The following MAGI2 variants were observed in gnomAD, a reference collection of about 807,000 sequenced individuals.
The protein encoded by MAGI2 is membrane-associated guanylate kinase, WW and PDZ domain-containing protein 2.
Under a neutral mutation model 133.3 loss-of-function variants are expected in MAGI2, and 35 were observed. The ratio of observed to expected loss-of-function variants is 0.26; its 90% confidence interval spans 0.20 to 0.35. The LOEUF is 0.35. MAGI2 is among the 10% of genes least tolerant of loss of function. The pLI is 1.00. For missense variants in MAGI2, 1,636 were observed against 1,863.4 expected, an observed-to-expected ratio of 0.88 and a Z score of 2.25; for synonymous variants, 729 against 710.6, an observed-to-expected ratio of 1.03 and a Z score of -0.41.
intron 21 of MAGI2, among the ~76,000 whole-genome samples, chr7:78,069,504 TGTGTGA>T (rs1386581972): frequency 1.4e-5 from 2 of 143,930 alleles, no homozygotes; most frequent in Non-Finnish European, 3.0e-5. Flanking sequence ...TGTATGTGTG[TGTGTGA>T]GAGAGAGAGA....
intron 1 of MAGI2, among the ~76,000 whole-genome samples, chr7:79,150,415 C>A (rs922655009): frequency 1.3e-5 from 2 of 152,258 alleles, no homozygotes; most frequent in Non-Finnish European, 2.9e-5. Flanking sequence ...AGACGTATTG[C>A]AGATTTTCTT....
intron 1 of MAGI2, among the ~76,000 whole-genome samples, chr7:79,277,374 C>A (rs1449014242): frequency 6.6e-6 from 1 of 152,060 alleles, no homozygotes; most frequent in Non-Finnish European, 1.5e-5. Context: ...ACTTAGTAGA[C>A]TATAGTACAA....
intron 1 of MAGI2, among the ~76,000 whole-genome samples, chr7:79,230,517 T>C (rs1200120925): frequency 6.6e-6 from 1 of 151,898 alleles, no homozygotes; most frequent in African/African-American, 2.4e-5. Flanking sequence ...CATTGTGGTT[T>C]TGATTTGCAT....
Position 78,343,839 on chromosome 7 carries a change from A to G in MAGI2, c.1347T>C (p.Phe449=), listed in dbSNP as rs1790634494. 2 of 1,612,730 alleles carry G rather than the reference A, an allele frequency of 1.2e-6. No individual in the cohort carries two copies. The highest frequency in any genetic ancestry group is 8.5e-7 in the Non-Finnish European group (1 of 1,179,494). Reference sequence around the variant, plus strand: ...CCGGAATCACACTTTTCACCTGCAGAAACTCATCAGGCTCGTCTCCACCAA... The same window carrying G: ...CCGGAATCACACTTTTCACCTGCAGGAACTCATCAGGCTCGTCTCCACCAA... ...TIIGGDEPDE[F]LQVKSVIPDG... is the part of the protein sequence containing the mutation. The change falls in exon 9 of 22, where the codon TTT becomes TTC. Residue 449 remains phenylalanine (F), a synonymous_variant. Transcript: ENST00000354212.
chr7:78,127,770 ACAT>A (rs1272507867), intron 18 of MAGI2, among the ~76,000 whole-genome samples: 5 of 152,136 alleles, frequency 3.3e-5, no homozygotes, highest in African/African-American at 9.7e-5. Context: ...ACAAACCAAG[ACAT>A]CAGCCTATCT....
chr7:78,641,004 T>G (rs1315774948), intron 2 of MAGI2, among the ~76,000 whole-genome samples: 1 of 150,642 alleles, frequency 6.6e-6, no homozygotes, highest in Admixed American at 6.6e-5. Context: ...ATTGTGATGA[T>G]GAGTTCTCAT....
chr7:78,187,788 T>C (rs1050377045), intron 12 of MAGI2, among the ~76,000 whole-genome samples: 5 of 152,160 alleles, frequency 3.3e-5, no homozygotes, highest in African/African-American at 1.2e-4. Context: ...ACGCTTCCAT[T>C]AGGTATAAAA....
intron 20 of MAGI2, among the ~76,000 whole-genome samples, chr7:78,119,257 A>G (rs1820178024): frequency 6.6e-6 from 1 of 152,112 alleles, no homozygotes; most frequent in African/African-American, 2.4e-5. Context: ...ATTTGTCCAA[A>G]CCCATAGAAT....
At chr7:78,167,182 T>C (rs1334790093) in intron 15 of MAGI2, among the ~76,000 whole-genome samples, 6 of 152,148 alleles carry the variant, frequency 3.9e-5, no homozygotes, top group Non-Finnish European at 7.4e-5. Flanking sequence ...CCCAATGTTA[T>C]TGAATGCTCA....
At chr7:79,362,544 A>T (rs1842434368) in intron 1 of MAGI2, among the ~76,000 whole-genome samples, 1 of 152,102 alleles carries the variant, frequency 6.6e-6, no homozygotes, top group Admixed American at 6.5e-5. Context: ...CAAAGAAAAA[A>T]ATATTAACAA....
rs570107399 is a variant in MAGI2, at chr7:78,927,847, C to T, written c.418+79243G>A. Among the ~76,000 whole-genome samples, 367 of 151,942 alleles carry T rather than the reference C, an allele frequency of 2.4e-3. 1 individual carries two copies. The highest frequency in any genetic ancestry group is 8.7e-3 in the African/African-American group (361 of 41,506). ...CAAAAATTAAATTTTCCAATGTGTT[C>T]AAGTGATAAGGAAGTTTGTAGAATC... On this transcript the variant is annotated intron_variant, in intron 2 of 21. Coordinates refer to ENST00000354212, the MANE Select transcript of MAGI2 (RefSeq NM_012301.4).
intron 1 of MAGI2, among the ~76,000 whole-genome samples, chr7:79,139,472 C>A (rs1225625854): frequency 6.6e-6 from 1 of 152,162 alleles, no homozygotes; most frequent in Non-Finnish European, 1.5e-5. Flanking sequence ...CACAAGGGAG[C>A]TACGACTCAA....
At chr7:78,888,776 G>T (rs1243676758) in intron 2 of MAGI2, among the ~76,000 whole-genome samples, 1 of 152,000 alleles carries the variant, frequency 6.6e-6, no homozygotes, top group Non-Finnish European at 1.5e-5. Context: ...ACAAAGATGG[G>T]GAAAAAACAG....
intron 10 of MAGI2, among the ~76,000 whole-genome samples, chr7:78,246,428 C>CTGAT (rs1791787831): frequency 6.6e-6 from 1 of 152,114 alleles, no homozygotes; most frequent in South Asian, 2.1e-4. Context: ...CTGGGCTGAG[C>CTGAT]TGATAGAAAC....
chr7:79,124,447 G>C (rs755929719), intron 1 of MAGI2, among the ~76,000 whole-genome samples: 7 of 152,176 alleles, frequency 4.6e-5, no homozygotes, highest in Admixed American at 1.3e-4. Flanking sequence ...TTTGTCTAAA[G>C]TCACAGAGCC....
intron 1 of MAGI2, among the ~76,000 whole-genome samples, chr7:79,027,470 CAT>C (rs1236234670): frequency 2.0e-5 from 3 of 152,146 alleles, no homozygotes; most frequent in African/African-American, 7.2e-5. Flanking sequence ...ACAAGTGCCA[CAT>C]GTTTTCGCTT....
chr7:78,504,407 A>C (rs28522615), intron 4 of MAGI2, among the ~76,000 whole-genome samples: 80,120 of 151,692 alleles, frequency 0.53, 21,643 homozygotes, highest in South Asian at 0.68. Flanking sequence ...AAGGATAAAC[A>C]ATGAGTCTTA....
Position 78,581,572 on chromosome 7 carries a change from T to C in MAGI2, c.538+45548A>G, listed in dbSNP as rs537446865. On this transcript the variant is annotated intron_variant, in intron 3 of 21. Coordinates refer to ENST00000354212, the MANE Select transcript of MAGI2 (RefSeq NM_012301.4). ...GAGAAAAATCACACACTACTTGAAA[T>C]AACACAAAAATGAACTTCCTTCCCA... 1.6e-4 allele frequency among the ~76,000 whole-genome samples: 24 copies of C among 152,296 alleles called. No homozygotes were observed. The South Asian group carries it at 4.1e-3, about 26-fold the overall frequency.
At chr7:78,796,133 T>C (rs1406436665) in intron 2 of MAGI2, among the ~76,000 whole-genome samples, 1 of 151,890 alleles carries the variant, frequency 6.6e-6, no homozygotes, top group African/African-American at 2.4e-5. Flanking sequence ...AAGAGACAAA[T>C]GGGAATACTT....
Sources: allele counts gnomAD v4.1 joint callset (sites outside exome capture counted in the v4.1 genomes callset), GRCh38; gene constraint gnomAD v4.1.1; transcripts MANE v1.5; gene names NCBI Gene and HGNC (gene_info 2026-07-23, HGNC 2026-07-21).